Variants in OSBPL10 observed in about 807,000 individuals in gnomAD.
OSBPL10 encodes oxysterol binding protein like 10, also known as oxysterol-binding protein-related protein 10.
A neutral mutation model predicts 81.7 loss-of-function variants in OSBPL10; 49 were observed. That is an observed-to-expected ratio of 0.60 (90% CI 0.48 to 0.76). The LOEUF (loss-of-function observed/expected upper bound fraction) is 0.76, where lower values mean the gene tolerates loss of function less well. OSBPL10 is among the 30% of genes least tolerant of loss of function. The pLI is 0.00. For synonymous variants in OSBPL10, 419 were observed against 383.6 expected (o/e 1.09, Z -1.08); for missense variants, 923 against 987.8 (o/e 0.93, Z 0.88).
At chr3:31,691,692 C>T (rs1695556817) in intron 7 of OSBPL10, among the ~76,000 whole-genome samples, 1 of 152,078 alleles carries the variant, frequency 6.6e-6, no homozygotes, top group South Asian at 2.1e-4. Context: ...GATTGCACCA[C>T]TGTATGCCAG....
At chr3:31,701,074 T>C (rs1028805050) in intron 7 of OSBPL10, among the ~76,000 whole-genome samples, 2 of 152,202 alleles carry the variant, frequency 1.3e-5, no homozygotes, top group Non-Finnish European at 2.9e-5. Flanking sequence ...AAAAGATTTG[T>C]CTGTCATCTG....
chr3:31,833,703 ACG>A (rs1553631713), intron 3 of OSBPL10, among the ~76,000 whole-genome samples: 4,466 of 136,740 alleles, frequency 0.033, 69 homozygotes, highest in South Asian at 0.082. Context: ...GCACACGCAC[ACG>A]CACACACACA....
intron 1 of OSBPL10, among the ~76,000 whole-genome samples, chr3:31,924,885 A>T (rs928666017): frequency 8.5e-5 from 13 of 152,334 alleles, no homozygotes; most frequent in African/African-American, 3.1e-4. Flanking sequence ...ATCCTTTGCC[A>T]AGTCCTGAGA....
intron 2 of OSBPL10, chr3:31,990,772 C>A (rs765251711): frequency 6.2e-7 from 1 of 1,613,480 alleles, no homozygotes; most frequent in East Asian, 2.2e-5. Context: ...TGGAGAGAAA[C>A]CTTACAAATG....
chr3:31,688,187 T>C (rs1700840870), intron 7 of OSBPL10, among the ~76,000 whole-genome samples: 2 of 151,938 alleles, frequency 1.3e-5, no homozygotes, highest in Admixed American at 1.3e-4. Flanking sequence ...TTCTAAAATC[T>C]ATGTAAGAGA....
At chr3:32,056,658 T>C (rs1045972180) in intron 1 of OSBPL10, among the ~76,000 whole-genome samples, 1 of 152,226 alleles carries the variant, frequency 6.6e-6, no homozygotes, top group Admixed American at 6.5e-5. Context: ...AGAAATATCA[T>C]TGCCCCTATT....
chr3:31,965,166 G>A (rs530587488), intron 1 of OSBPL10, among the ~76,000 whole-genome samples: 58 of 151,640 alleles, frequency 3.8e-4, no homozygotes, highest in African/African-American at 1.4e-3. Context: ...TCAGGAGATT[G>A]TGACCATCCT....
At chr3:31,920,622 G>C (rs1330299783) in intron 1 of OSBPL10, among the ~76,000 whole-genome samples, 1 of 152,158 alleles carries the variant, frequency 6.6e-6, no homozygotes, top group Non-Finnish European at 1.5e-5. Flanking sequence ...CAAGTGATAT[G>C]GTTTGGATAT....
At chr3:31,964,957 A>G (rs768186520) in intron 1 of OSBPL10, among the ~76,000 whole-genome samples, 6 of 152,240 alleles carry the variant, frequency 3.9e-5, no homozygotes, top group Non-Finnish European at 7.3e-5. Context: ...GTCATGATAT[A>G]GAACTGAACA....
intron 1 of OSBPL10, among the ~76,000 whole-genome samples, chr3:31,893,735 A>G (rs116472801): frequency 6.6e-6 from 1 of 152,202 alleles, no homozygotes; most frequent in Non-Finnish European, 1.5e-5. Context: ...ACATTATGCT[A>G]AAGGAGCCAG....
chr3:31,709,400 AG>A lies in OSBPL10; in HGVS notation c.1096-6893del, dbSNP rs545367513. ...AGGCAGAAGGAAGTCACTTCTGGGG[AG>A]GGGAGAGAGTGGGGGCATTTGTCAT... On this transcript the variant is annotated intron_variant, in intron 6 of 11. Transcript: ENST00000396556. The A allele has an allele frequency of 2.0e-5, 3 of 152,258 alleles. No homozygotes were observed. In the South Asian group the frequency reaches 6.2e-4, roughly 32 times the overall value. The allele number at this position is 152,258 out of a possible 1,614,324, so 9.4% of individuals were successfully genotyped here. A position where few individuals can be genotyped will look rare whatever the true frequency, so the allele number is the denominator to read the frequency against.
chr3:31,898,598 A>T (rs1040479782), intron 1 of OSBPL10, among the ~76,000 whole-genome samples: 5 of 150,556 alleles, frequency 3.3e-5, no homozygotes, highest in African/African-American at 9.8e-5. Context: ...AAAAAAATCT[A>T]AAAAAAAAGA....
chr3:31,966,449 CAATTA>C (rs1409499231), intron 1 of OSBPL10, among the ~76,000 whole-genome samples: 8 of 151,130 alleles, frequency 5.3e-5, no homozygotes, highest in Non-Finnish European at 8.9e-5. Flanking sequence ...GAATAGAAAT[CAATTA>C]AATTGAAAAC....
intron 4 of OSBPL10, among the ~76,000 whole-genome samples, chr3:31,805,436 G>A (rs1699495830): frequency 6.6e-6 from 1 of 152,122 alleles, no homozygotes; most frequent in Admixed American, 6.5e-5. Flanking sequence ...ATTATGAGCT[G>A]AAAGAAAACT....
intron 1 of OSBPL10, among the ~76,000 whole-genome samples, chr3:31,895,479 A>G (rs777821984): frequency 1.3e-5 from 2 of 151,966 alleles, no homozygotes; most frequent in Non-Finnish European, 2.9e-5. Flanking sequence ...ATACACTTGG[A>G]CCAATTAACT....
intron 1 of OSBPL10, among the ~76,000 whole-genome samples, chr3:31,935,879 G>A (rs977047786): frequency 6.6e-6 from 1 of 152,120 alleles, no homozygotes. Context: ...TTTAAGCAAG[G>A]GGTTCTGGAA....
intron 4 of OSBPL10, among the ~76,000 whole-genome samples, chr3:31,826,906 C>T (rs1044294988): frequency 1.3e-5 from 2 of 152,106 alleles, no homozygotes; most frequent in Non-Finnish European, 1.5e-5. Context: ...TAAAGGGGCT[C>T]GGCACCCTAA....
intron 4 of OSBPL10, among the ~76,000 whole-genome samples, chr3:31,764,919 A>G (rs1698150866): frequency 6.6e-6 from 1 of 152,198 alleles, no homozygotes; most frequent in African/African-American, 2.4e-5. Context: ...ACCCCGGCTT[A>G]CAGGTTGTTT....
At chr3:31,893,130 T>C (rs1272403925) in intron 1 of OSBPL10, among the ~76,000 whole-genome samples, 1 of 152,190 alleles carries the variant, frequency 6.6e-6, no homozygotes, top group Non-Finnish European at 1.5e-5. Context: ...AAAGCCTTTC[T>C]GGCTAAAGCA....
Sources: gnomAD v4.1 joint callset for allele counts (sites outside exome capture counted in the v4.1 genomes callset) on GRCh38, gnomAD v4.1.1 for gene constraint, MANE v1.5 for transcripts, NCBI Gene and HGNC (gene_info 2026-07-23, HGNC 2026-07-21) for gene names.